PNPLA8: variants seen among roughly 807,000 people sequenced by gnomAD.
PNPLA8 encodes patatin like domain 8, phospholipase A2.
Under a neutral mutation model 76.9 loss-of-function variants are expected in PNPLA8, and 39 were observed. The observed-to-expected ratio is 0.51, with a 90% confidence interval of 0.39 to 0.66. The LOEUF (loss-of-function observed/expected upper bound fraction) is 0.66, where lower values mean the gene tolerates loss of function less well. Among genes scored for constraint, PNPLA8 ranks in the 30% least tolerant of loss-of-function variants. The pLI is 0.00. For missense variants in PNPLA8, 887 were observed against 918.0 expected (o/e 0.97, Z 0.44); for synonymous variants, 301 against 307.9 (o/e 0.98, Z 0.24).
At chr7:108,494,251 G>A (rs1861403547) in intron 7 of PNPLA8, among the ~76,000 whole-genome samples, 2 of 152,086 alleles carry the variant, frequency 1.3e-5, no homozygotes, top group South Asian at 4.1e-4. Context: ...TATGCATGCA[G>A]GTTTTGTTAC....
rs181377970 is a variant in PNPLA8, at chr7:108,510,356, C to T, written c.1206+3788G>A. 6.0e-4 allele frequency: 939 copies of T among 1,573,226 alleles called. 2 individuals carry two copies. Among genetic ancestry groups the T allele is most frequent in the African/African-American group, 4.8e-3 (359 of 74,366 alleles). ...AAAGAAGTTTGCCCAAAAGATGCTT[C>T]GAAAGGCAAGGAGGAAGCTTATCTA... On this transcript the variant is annotated intron_variant, in intron 4 of 10. Coordinates refer to ENST00000257694, the MANE Select transcript of PNPLA8 (RefSeq NM_001256007.3).
Position 108,526,011 on chromosome 7 carries a change from C to A in PNPLA8, c.-130+18G>T. The A allele has an allele frequency of 3.1e-6, 3 of 977,860 alleles. No individual in the cohort carries two copies. Among genetic ancestry groups the A allele is most frequent in the Non-Finnish European group, 3.6e-6 (3 of 823,014 alleles). The allele number at this position is 977,860 out of a possible 1,614,324, so 60.6% of individuals were successfully genotyped here. Reference sequence around the variant, plus strand: ...CAGCCTCCTATCGTCCCGCCCCTGTCCCCTCGCGGCTACTTACCGGGATGC... The same window carrying A: ...CAGCCTCCTATCGTCCCGCCCCTGTACCCTCGCGGCTACTTACCGGGATGC... On this transcript the variant is annotated intron_variant, in intron 1 of 10. Coordinates refer to ENST00000257694, the MANE Select transcript of PNPLA8 (RefSeq NM_001256007.3).
chr7:108,486,049 C>T (rs1186175647), intron 9 of PNPLA8, among the ~76,000 whole-genome samples: 1 of 151,972 alleles, frequency 6.6e-6, no homozygotes, highest in South Asian at 2.1e-4. Flanking sequence ...TAAGCGTGAA[C>T]AGAAATATCA....
At chr7:108,480,424 G>C (rs1469040899) in intron 9 of PNPLA8, among the ~76,000 whole-genome samples, 3 of 152,148 alleles carry the variant, frequency 2.0e-5, no homozygotes, top group African/African-American at 7.2e-5. Flanking sequence ...GATTTAAGAT[G>C]TTTTAAGTGA....
chr7:108,501,321 G>T (rs936058181), intron 5 of PNPLA8, among the ~76,000 whole-genome samples: 1 of 152,222 alleles, frequency 6.6e-6, no homozygotes, highest in Non-Finnish European at 1.5e-5. Context: ...GACTGAGTAG[G>T]AAGCATGGAT....
intron 2 of PNPLA8, among the ~76,000 whole-genome samples, chr7:108,515,898 C>A (rs570305193): frequency 1.2e-4 from 18 of 152,110 alleles, no homozygotes; most frequent in African/African-American, 4.3e-4. Flanking sequence ...TTTTTCCCTT[C>A]CTCATTGTTA....
rs568405515 is a variant in PNPLA8, at chr7:108,474,602, G to A, written c.2075-1927C>T. On this transcript the variant is annotated intron_variant, in intron 10 of 10. Coordinates refer to ENST00000257694, the MANE Select transcript of PNPLA8 (RefSeq NM_001256007.3). Reference sequence around the variant, plus strand: ...CATGAACGACTGTGATGCATTCCAAGTTACTTTTGTGTATGGTGCAAAGGG... The same window carrying A: ...CATGAACGACTGTGATGCATTCCAAATTACTTTTGTGTATGGTGCAAAGGG... Among the ~76,000 whole-genome samples, 11 of 152,306 alleles carry A rather than the reference G, an allele frequency of 7.2e-5. No individual in the cohort carries two copies. The South Asian group carries it at 1.9e-3, about 26-fold the overall frequency.
At chr7:108,510,955 G>A (rs955087410) in intron 4 of PNPLA8, 2 of 1,561,556 alleles carry the variant, frequency 1.3e-6, no homozygotes, top group Non-Finnish European at 8.7e-7. Context: ...AGATCAACAG[G>A]CTTATTAGAA....
intron 2 of PNPLA8, among the ~76,000 whole-genome samples, chr7:108,518,772 CACAT>C (rs1431025595): frequency 8.6e-6 from 1 of 116,276 alleles, no homozygotes; most frequent in African/African-American, 3.7e-5. Flanking sequence ...CACACACACA[CACAT>C]ATATTAAGAA....
At chr7:108,510,357 G>C (rs1477995355) in intron 4 of PNPLA8, 3 of 1,569,638 alleles carry the variant, frequency 1.9e-6, no homozygotes, top group Non-Finnish European at 2.6e-6. Flanking sequence ...AAGATGCTTC[G>C]AAAGGCAAGG....
intron 7 of PNPLA8, 135 bp downstream of exon 7, chr7:108,496,449 A>C (rs1861553136): frequency 3.0e-5 from 17 of 565,572 alleles, no homozygotes; most frequent in Middle Eastern, 4.8e-4. Context: ...CTAATTAGTC[A>C]AATAATTTAA....
chr7:108,482,025 G>A (rs1302673798), intron 9 of PNPLA8, among the ~76,000 whole-genome samples: 1 of 152,112 alleles, frequency 6.6e-6, no homozygotes, highest in East Asian at 1.9e-4. Flanking sequence ...CCATATATGT[G>A]GGAGTCTATT....
rs1284680109 is a variant in PNPLA8, at chr7:108,510,056, T to C, written c.1206+4088A>G. On this transcript the variant is annotated intron_variant, in intron 4 of 10. Transcript: ENST00000257694. ...GTGGGGGGAGGGGGGAGGGATAGCA[T>C]TGGGAGATATACCTAATGCTAGATG... Among the ~76,000 whole-genome samples, 23 of 128,088 alleles carry C rather than the reference T, an allele frequency of 1.8e-4. No homozygotes were observed. In the South Asian group the frequency reaches 3.0e-3, roughly 17 times the overall value. 84.0% of individuals were successfully genotyped at this position (128,088 alleles called of 152,430 possible). A position where few individuals can be genotyped will look rare whatever the true frequency, so the allele number is the denominator to read the frequency against.
At chr7:108,519,800 TTCCCTTCTCCTCC>T (rs1178054808) in intron 2 of PNPLA8, among the ~76,000 whole-genome samples, 1 of 149,780 alleles carries the variant, frequency 6.7e-6, no homozygotes, top group Non-Finnish European at 1.5e-5. Flanking sequence ...AACAATTGTT[TTCCCTTCTCCTCC>T]TCAGGGAGAA....
intron 2 of PNPLA8, among the ~76,000 whole-genome samples, chr7:108,520,184 G>A (rs560124431): frequency 4.3e-4 from 65 of 152,248 alleles, no homozygotes; most frequent in African/African-American, 1.5e-3. Context: ...TCAGCAAACC[G>A]GCAGAGGTGG....
chr7:108,472,972 T>G (rs955245298), intron 10 of PNPLA8, among the ~76,000 whole-genome samples: 5 of 152,192 alleles, frequency 3.3e-5, no homozygotes, highest in Non-Finnish European at 7.4e-5. Flanking sequence ...AACTTTCCTT[T>G]TTTTTGGGAT....
chr7:108,507,602 T>C (rs905272509), intron 4 of PNPLA8, among the ~76,000 whole-genome samples: 5 of 151,852 alleles, frequency 3.3e-5, no homozygotes, highest in South Asian at 2.1e-4. Flanking sequence ...GTGAAGACTA[T>C]GGCACTGCAT....
chr7:108,501,717 C>T (rs140017787), intron 5 of PNPLA8, among the ~76,000 whole-genome samples: 17 of 152,072 alleles, frequency 1.1e-4, no homozygotes, highest in African/African-American at 4.1e-4. Flanking sequence ...CCAGCTGCTT[C>T]GGAGACTGAG....
Position 108,522,837 on chromosome 7 carries a change from T to C in PNPLA8, c.-129-1316A>G, listed in dbSNP as rs527436566. On this transcript the variant is annotated intron_variant, in intron 1 of 10. Coordinates refer to ENST00000257694, the MANE Select transcript of PNPLA8 (RefSeq NM_001256007.3). Reference sequence around the variant, plus strand: ...ACAAAAGGCCAAAATAAGGGAACTATTACAAGATTAGACAATTTCATAATC... The same window carrying C: ...ACAAAAGGCCAAAATAAGGGAACTACTACAAGATTAGACAATTTCATAATC... 6.2e-4 allele frequency among the ~76,000 whole-genome samples: 94 copies of C among 152,332 alleles called. 1 individual carries two copies. Among genetic ancestry groups the C allele is most frequent in the South Asian group, 2.1e-3 (10 of 4,832 alleles).
Sources: allele counts gnomAD v4.1 joint callset (sites outside exome capture counted in the v4.1 genomes callset), GRCh38; gene constraint gnomAD v4.1.1; transcripts MANE v1.5; gene names NCBI Gene and HGNC (gene_info 2026-07-23, HGNC 2026-07-21).